Variants in VTCN1 observed in about 807,000 individuals in gnomAD.
The protein encoded by VTCN1 is V-set domain-containing T-cell activation inhibitor 1.
A neutral mutation model predicts 26.5 loss-of-function variants in VTCN1; 26 were observed. The observed-to-expected ratio is 0.98, with a 90% CI of 0.72 to 1.36. VTCN1 has a LOEUF of 1.36. VTCN1 is among the 40% of genes most tolerant of loss of function. The probability of loss-of-function intolerance (pLI) is 0.00; values close to 1 mark genes in which losing one functional copy is unlikely to be tolerated. For synonymous variants in VTCN1, 116 were observed against 130.7 expected (o/e 0.89, Z 0.77); for missense variants, 298 against 337.7 (o/e 0.88, Z 0.92).
rs915251766 is a variant in VTCN1, at chr1:117,210,692, G to A, written c.32+132C>T. ...TAGGCTCTTGTCTGGCCAGGCTCCC[G>A]CTGGCCCAATGCTGGATCAGATAAA... On this transcript the variant is annotated intron_variant, in intron 1 of 5. Coordinates refer to ENST00000369458, the MANE Select transcript of VTCN1 (RefSeq NM_024626.4). 3.9e-5 allele frequency: 37 copies of A among 949,450 alleles called. No homozygotes were observed. The African/African-American group carries it at 3.9e-4, about 10-fold the overall frequency. 58.8% of individuals were successfully genotyped at this position (949,450 alleles called of 1,614,324 possible).
intron 1 of VTCN1, among the ~76,000 whole-genome samples, chr1:117,185,672 C>T (rs967375978): frequency 6.6e-6 from 1 of 152,206 alleles, no homozygotes; most frequent in Non-Finnish European, 1.5e-5. Flanking sequence ...ACAATGTATT[C>T]TCTCTGAAGC....
intron 2 of VTCN1, among the ~76,000 whole-genome samples, chr1:117,166,419 G>A (rs973925619): frequency 6.6e-6 from 1 of 152,144 alleles, no homozygotes; most frequent in East Asian, 1.9e-4. Context: ...TTAGTTGAAG[G>A]TGATGTATAA....
In VTCN1 at chr1:117,147,478, T is replaced by C; in HGVS notation, c.*45+135A>G. 1.5e-6 allele frequency: 1 copy of C among 673,124 alleles called. No individual in the cohort carries two copies. The highest frequency in any genetic ancestry group is 2.4e-6 in the Non-Finnish European group (1 of 425,296). The allele number at this position is 673,124 out of a possible 1,614,324, so 41.7% of individuals were successfully genotyped here. ...AACAAATGATTACCTTTCCCAGTAC[T>C]AGTGGAAATAATGTCACAGCCCTGG... On this transcript the variant is annotated intron_variant, in intron 5 of 5. Transcript: ENST00000369458. The surrounding 1 kb of genome is among the most constrained non-coding windows in gnomAD (Gnocchi z 4.6).
chr1:117,165,447 T>G (rs193203225), intron 2 of VTCN1, among the ~76,000 whole-genome samples: 2 of 152,228 alleles, frequency 1.3e-5, no homozygotes, highest in East Asian at 3.9e-4. Context: ...GTGGGAGGTG[T>G]GTGGGTCATT....
At chr1:117,209,418 G>A (rs1649252422) in intron 1 of VTCN1, among the ~76,000 whole-genome samples, 1 of 152,202 alleles carries the variant, frequency 6.6e-6, no homozygotes, top group African/African-American at 2.4e-5. Context: ...GCAGGGGCAA[G>A]GGTGGCAGGG....
At position 117,172,640 on chromosome 1, in the gene VTCN1, T is replaced by TC. The variant is rs372580718; in HGVS notation, c.33-2470dup. On this transcript the variant is annotated intron_variant, in intron 1 of 5. Coordinates refer to ENST00000369458, the MANE Select transcript of VTCN1 (RefSeq NM_024626.4). ...TTACCTATTATAAAGGCTGCATGTG[T>TC]CCCCCCCCACATTCACATGTTGAAG... Among the ~76,000 whole-genome samples, 319 of 151,668 alleles carry TC rather than the reference T, an allele frequency of 2.1e-3. 1 individual carries two copies. Among genetic ancestry groups the TC allele is most frequent in the Middle Eastern group, 0.01 (3 of 294 alleles).
At position 117,175,942 on chromosome 1, in the gene VTCN1, T is replaced by TTG. The variant is rs1647326432; in HGVS notation, c.33-5772_33-5771insCA. ...CGTGCCACCACGCCCGGCTAATTTT[T>TTG]TATTTTTAGTAGAGACAGGGTTTCA... is the stretch of plus-strand genomic sequence containing the variant. On this transcript the variant is annotated intron_variant, in intron 1 of 5. Transcript: ENST00000369458. This position sits in a 1 kb window ranked among gnomAD's most constrained non-coding sequence, Gnocchi z 4.2. Among the ~76,000 whole-genome samples, 1 of 151,904 alleles carries TTG rather than the reference T, an allele frequency of 6.6e-6. No individual in the cohort carries two copies. The highest frequency in any genetic ancestry group is 2.4e-5 in the African/African-American group (1 of 41,370).
intron 1 of VTCN1, among the ~76,000 whole-genome samples, chr1:117,189,876 T>C (rs954411330): frequency 1.4e-5 from 2 of 146,828 alleles, no homozygotes; most frequent in South Asian, 4.5e-4. Context: ...GGAATCCACG[T>C]AGGAGGTTGC....
chr1:117,191,143 A>C (rs1648223264), intron 1 of VTCN1, among the ~76,000 whole-genome samples: 1 of 152,236 alleles, frequency 6.6e-6, no homozygotes, highest in Admixed American at 6.5e-5. Flanking sequence ...CATTTGATAG[A>C]GGGCTTCAAC....
At chr1:117,163,501 C>T (rs980430294) in intron 2 of VTCN1, among the ~76,000 whole-genome samples, 7 of 152,168 alleles carry the variant, frequency 4.6e-5, no homozygotes, top group African/African-American at 1.4e-4. Context: ...GATTGCAGAT[C>T]AGAGCCCCAG....
intron 2 of VTCN1, among the ~76,000 whole-genome samples, chr1:117,166,919 C>T (rs1652644616): frequency 1.3e-5 from 2 of 149,996 alleles, no homozygotes; most frequent in South Asian, 4.2e-4. Context: ...GGGCAAAATC[C>T]CATCTCTACT....
chr1:117,208,829 A>G (rs556403702), intron 1 of VTCN1, among the ~76,000 whole-genome samples: 35 of 152,208 alleles, frequency 2.3e-4, no homozygotes, highest in Non-Finnish European at 4.7e-4. Context: ...TCTGGAAATT[A>G]TGAATACTTA....
chr1:117,176,956 G>C (rs188618012), intron 1 of VTCN1, among the ~76,000 whole-genome samples: 1 of 152,056 alleles, frequency 6.6e-6, no homozygotes, highest in African/African-American at 2.4e-5. Context: ...AAAATTAGCC[G>C]AGCGTGGTGG....
chr1:117,163,271 C>T (rs1652462506), intron 2 of VTCN1, among the ~76,000 whole-genome samples: 1 of 152,226 alleles, frequency 6.6e-6, no homozygotes, highest in Non-Finnish European at 1.5e-5. Context: ...AGTCCCAGCT[C>T]TGCCACTTAT....
At chr1:117,166,541 T>C (rs1570953172) in intron 2 of VTCN1, among the ~76,000 whole-genome samples, 1 of 148,790 alleles carries the variant, frequency 6.7e-6, no homozygotes, top group Admixed American at 6.7e-5. Flanking sequence ...GATCACAAGG[T>C]CAGGAGATCT....
At position 117,161,792 on chromosome 1, in the gene VTCN1, A is replaced by G. The variant is rs1184159846; in HGVS notation, c.98-4871T>C. 6.6e-6 allele frequency among the ~76,000 whole-genome samples: 1 copy of G among 152,254 alleles called. No individual in the cohort carries two copies. Among genetic ancestry groups the G allele is most frequent in the Non-Finnish European group, 1.5e-5 (1 of 68,044 alleles). Reference sequence around the variant, plus strand: ...CAATAAAAATACTGAGAGGTTCACAATAAAATCATGAATCAAATACAACTA... The same window carrying G: ...CAATAAAAATACTGAGAGGTTCACAGTAAAATCATGAATCAAATACAACTA... On this transcript the variant is annotated intron_variant, in intron 2 of 5. Transcript: ENST00000369458. The surrounding 1 kb of genome is among the most constrained non-coding windows in gnomAD (Gnocchi z 4.3).
rs188311182 is a variant in VTCN1 at position 117,165,963 on chromosome 1, A to C, written c.97+4144T>G. On this transcript the variant is annotated intron_variant, in intron 2 of 5. Coordinates refer to ENST00000369458, the MANE Select transcript of VTCN1 (RefSeq NM_024626.4). ...CCAACTAAACAGTATTAAACTAACA[A>C]ACTGCCCATTTTATCCAAATAACCA... Among the ~76,000 whole-genome samples, 9 of 152,334 alleles carry C rather than the reference A, an allele frequency of 5.9e-5. No individual in the cohort carries two copies. In the South Asian group the frequency reaches 1.0e-3, roughly 18 times the overall value.
intron 2 of VTCN1, among the ~76,000 whole-genome samples, chr1:117,164,767 C>T (rs149224135): frequency 3.9e-5 from 6 of 152,186 alleles, no homozygotes; most frequent in Non-Finnish European, 8.8e-5. Context: ...TGCGTGATAG[C>T]GCAGGGACTG....
At chr1:117,205,539 A>G (rs1425677691) in intron 1 of VTCN1, among the ~76,000 whole-genome samples, 5 of 152,132 alleles carry the variant, frequency 3.3e-5, no homozygotes, top group Admixed American at 3.3e-4. Flanking sequence ...CTGAAGCAAC[A>G]CAGACCAACA....
Sources: allele counts gnomAD v4.1 joint callset (sites outside exome capture counted in the v4.1 genomes callset), GRCh38; gene constraint gnomAD v4.1.1; non-coding constraint Gnocchi (gnomAD v3.1); transcripts MANE v1.5; gene names NCBI Gene and HGNC (gene_info 2026-07-23, HGNC 2026-07-21).